The following FILIP1 variants were observed in gnomAD, a reference collection of about 807,000 sequenced individuals.
FILIP1 encodes filamin-A-interacting protein 1.
FILIP1 carries 61 observed loss-of-function variants against 102.1 expected under a neutral mutation model. The observed-to-expected ratio is 0.60, with a 90% CI of 0.49 to 0.74. The LOEUF (loss-of-function observed/expected upper bound fraction) is 0.74. Ranked by LOEUF, FILIP1 falls within the 30% of genes least tolerant of loss-of-function variation. FILIP1 has a pLI of 0.00. For missense variants in FILIP1, 1,314 were observed against 1,441.2 expected (o/e 0.91, Z 1.43); for synonymous variants, 491 against 526.9 (o/e 0.93, Z 0.93).
intron 4 of FILIP1, among the ~76,000 whole-genome samples, chr6:75,349,534 C>G (rs1413123011): frequency 6.6e-6 from 1 of 152,166 alleles, no homozygotes; most frequent in Non-Finnish European, 1.5e-5. Context: ...GAAGCATTTC[C>G]GAAGCAAAGT....
At chr6:75,306,588 A>C (rs752182508), downstream of FILIP1, among the ~76,000 whole-genome samples, 2 of 152,198 alleles carry the variant, frequency 1.3e-5, no homozygotes, top group South Asian at 4.1e-4. Flanking sequence ...TTTATGAAAG[A>C]GGAAAAATCT....
chr6:75,326,450 C>T (rs1773867939), intron 4 of FILIP1, among the ~76,000 whole-genome samples: 1 of 152,098 alleles, frequency 6.6e-6, no homozygotes, highest in Admixed American at 6.5e-5. Context: ...CACTAAATAG[C>T]TATCCCTAAA....
At chr6:75,372,704 A>T in intron 2 of FILIP1, among the ~76,000 whole-genome samples, 1 of 55,474 alleles carries the variant, frequency 1.8e-5, no homozygotes, top group African/African-American at 1.2e-4. Flanking sequence ...AGAGAAAGAA[A>T]GAAAGAAAGG....
rs1773260350 is a variant in FILIP1 at position 75,312,940 on chromosome 6, T to G, written c.2892A>C (p.Lys964Asn). 3 of 1,613,988 alleles carry G rather than the reference T, an allele frequency of 1.9e-6. No individual in the cohort carries two copies. The highest frequency in any genetic ancestry group is 1.7e-6 in the Non-Finnish European group (2 of 1,180,014). Residue 964 changes from lysine to asparagine, a missense_variant, in exon 5 of 6, where the codon AAA (lysine) becomes AAC (asparagine). Physicochemically the swap from Lys to Asn is moderately conservative, Grantham distance 94. This residue lies in a region of FILIP1 where 816 missense variants were observed against 913.1 expected (regional missense o/e 0.89). Transcript: ENST00000237172. ...CAAGAGTAGTATCTCCACTTTTTTG[T>G]TTTTGAGGCATAACGTTTGGTGATG... is the stretch of plus-strand genomic sequence containing the variant. ...IIPSPNVMPQ[K>N]QKSGDTTLGP... is the part of the protein sequence containing the mutation.
chr6:75,454,044 T>C (rs1582531727), intron 1 of FILIP1: 2 of 456,376 alleles, frequency 4.4e-6, no homozygotes, highest in South Asian at 3.1e-5. Flanking sequence ...AGATCAGAAG[T>C]CCAGATACAG....
intron 1 of FILIP1, among the ~76,000 whole-genome samples, chr6:75,489,650 A>C (rs747017151): frequency 7.9e-5 from 12 of 152,138 alleles, no homozygotes; most frequent in Admixed American, 5.2e-4. Flanking sequence ...AATTTGCCTA[A>C]GGTCACCTTG....
rs370741864 is a variant in FILIP1, at chr6:75,301,437, C to A, written c.3494-5487G>T. On this transcript the variant is annotated intron_variant, in intron 6 of 6. Coordinates refer to the FILIP1 transcript ENST00000393004. ...TTAATAAGATGCTTAGACATCTGTA[C>A]GCCTCAGGGATTTTTTTTAAAGGGT... Among the ~76,000 whole-genome samples, 3 of 152,076 alleles carry A rather than the reference C, an allele frequency of 2.0e-5. No homozygotes were observed. In the South Asian group the frequency reaches 6.2e-4, roughly 32 times the overall value.
chr6:75,319,853 GA>G, intron 4 of FILIP1: 1 of 422,014 alleles, frequency 2.4e-6, no homozygotes, highest in East Asian at 5.2e-5. Flanking sequence ...GAAAAGAAAA[GA>G]AAACTCTGAG....
At chr6:75,437,057 C>T (rs1431894830) in intron 1 of FILIP1, among the ~76,000 whole-genome samples, 1 of 152,086 alleles carries the variant, frequency 6.6e-6, no homozygotes, top group Non-Finnish European at 1.5e-5. Context: ...CTTTTCCATG[C>T]AGACGGAATC....
intron 6 of FILIP1, among the ~76,000 whole-genome samples, chr6:75,301,770 G>A (rs554057036): frequency 6.6e-6 from 1 of 152,162 alleles, no homozygotes; most frequent in Admixed American, 6.5e-5. Flanking sequence ...ATATGCCAAA[G>A]GTTACACAAC....
At position 75,314,871 on chromosome 6, in the gene FILIP1, G is replaced by C; in HGVS notation, c.961C>G (p.Leu321Val). 1 of 1,614,064 alleles carries C rather than the reference G, an allele frequency of 6.2e-7. No homozygotes were observed. The highest frequency in any genetic ancestry group is 1.1e-5 in the South Asian group (1 of 91,084). Residue 321 changes from leucine to valine, a missense_variant, in exon 5 of 6, where the codon CTG (leucine) becomes GTG (valine). By Grantham distance (32) the Leu-to-Val change is conservative. This residue lies in a region of FILIP1 where 494 missense variants were observed against 511.2 expected (regional missense o/e 0.97). Coordinates refer to ENST00000237172, the MANE Select transcript of FILIP1 (RefSeq NM_015687.5). Reference sequence around the variant, plus strand: ...CTATTGTGAGACTCTTGATTAGCCAGTTTAGCGTTCATCTCTTCATGCTCT... The same window carrying C: ...CTATTGTGAGACTCTTGATTAGCCACTTTAGCGTTCATCTCTTCATGCTCT... ...SQEHEEMNAK[L>V]ANQESHNRQL...
chr6:75,478,361 C>T (rs866269543), intron 1 of FILIP1, among the ~76,000 whole-genome samples: 1 of 152,118 alleles, frequency 6.6e-6, no homozygotes, highest in South Asian at 2.1e-4. Context: ...ACAAAATGAC[C>T]CTGCTGTCAG....
At chr6:75,489,866 G>A (rs2149788278) in intron 1 of FILIP1, among the ~76,000 whole-genome samples, 1 of 151,938 alleles carries the variant, frequency 6.6e-6, no homozygotes, top group East Asian at 1.9e-4. Context: ...GCTTTTAGAT[G>A]TCATTTTTCT....
At chr6:75,416,137 T>TA (rs928123323) in intron 1 of FILIP1, among the ~76,000 whole-genome samples, 1 of 152,128 alleles carries the variant, frequency 6.6e-6, no homozygotes, top group African/African-American at 2.4e-5. Context: ...TATATGAAAG[T>TA]AAATTTCCTT....
At position 75,487,471 on chromosome 6, in the gene FILIP1, A is replaced by G. The variant is rs562747387; in HGVS notation, c.-7+5943T>C. 1.4e-4 allele frequency among the ~76,000 whole-genome samples: 21 copies of G among 152,250 alleles called. No homozygotes were observed. The East Asian group carries it at 1.7e-3, about 13-fold the overall frequency. ...GGTCAAAGAGGCAAGGCCTAAAATGAGTTACTTAAGATGTAAGTATATGAA... is the reference window on the plus strand; with the variant it reads ...GGTCAAAGAGGCAAGGCCTAAAATGGGTTACTTAAGATGTAAGTATATGAA... On this transcript the variant is annotated intron_variant, in intron 1 of 5. Coordinates refer to ENST00000237172, the MANE Select transcript of FILIP1 (RefSeq NM_015687.5).
At chr6:75,367,869 A>G (rs1775391511) in intron 2 of FILIP1, among the ~76,000 whole-genome samples, 1 of 152,224 alleles carries the variant, frequency 6.6e-6, no homozygotes. Context: ...AAAGTTCAAA[A>G]TGTAAGAAAA....
intron 1 of FILIP1, among the ~76,000 whole-genome samples, chr6:75,479,961 T>G (rs1406155213): frequency 6.6e-6 from 1 of 151,834 alleles, no homozygotes; most frequent in Non-Finnish European, 1.5e-5. Flanking sequence ...ATTTTAACTT[T>G]GTTCATGATG....
intron 6 of FILIP1, among the ~76,000 whole-genome samples, chr6:75,296,337 TTCTTTGTGTG>T (rs1299443635): frequency 8.4e-6 from 1 of 119,438 alleles, no homozygotes; most frequent in Non-Finnish European, 1.7e-5. Flanking sequence ...CCTCTTCAAT[TTCTTTGTGTG>T]TGTGTGTGTG....
At chr6:75,372,671 AAG>A (rs1327588132) in intron 2 of FILIP1, among the ~76,000 whole-genome samples, 1 of 65,414 alleles carries the variant, frequency 1.5e-5, no homozygotes, top group Non-Finnish European at 2.9e-5. Context: ...GAAAGAAAGA[AAG>A]AAAGAAAGAA....
Sources: gnomAD v4.1 joint callset for allele counts (sites outside exome capture counted in the v4.1 genomes callset) on GRCh38, gnomAD v4.1.1 for gene constraint, gnomAD v4.1.1 regional missense constraint, MANE v1.5 for transcripts, NCBI Gene and HGNC (gene_info 2026-07-23, HGNC 2026-07-21) for gene names.